The following NKAIN4 variants were observed in gnomAD, a reference collection of about 807,000 sequenced individuals.
NKAIN4 encodes sodium/potassium transporting ATPase interacting 4, also known as sodium/potassium-transporting ATPase subunit beta-1-interacting protein 4.
Under a neutral mutation model 28.8 loss-of-function variants are expected in NKAIN4, and 28 were observed. The observed-to-expected ratio is 0.97, with a 90% CI of 0.72 to 1.33. The LOEUF (loss-of-function observed/expected upper bound fraction) is 1.33. Ranked by LOEUF, NKAIN4 falls within the 40% of genes most tolerant of loss-of-function variation. The pLI, the probability that NKAIN4 is intolerant of heterozygous loss-of-function variation, is 0.00. For missense variants in NKAIN4, 289 were observed against 277.2 expected (o/e 1.04, Z -0.30); for synonymous variants, 122 against 115.6 (o/e 1.06, Z -0.36).
chr20:63,245,521 T>C lies in NKAIN4; in HGVS notation c.472-1437A>G, dbSNP rs114664806. Among the ~76,000 whole-genome samples, 4,483 of 151,928 alleles carry C rather than the reference T, an allele frequency of 0.03. 208 individuals carry two copies. The highest frequency in any genetic ancestry group is 0.1 in the African/African-American group (4,202 of 41,390). On this transcript the variant is annotated intron_variant, in intron 4 of 6. Coordinates refer to ENST00000370316, the MANE Select transcript of NKAIN4 (RefSeq NM_152864.4). This position sits in a 1 kb window ranked among gnomAD's most constrained non-coding sequence, Gnocchi z 4.7. ...CCTGCACACCACCGCCTCCTGCCCA[T>C]CCTCCTGGCTCCAGCCCCAGGTCCA...
intron 1 of NKAIN4, chr20:63,253,472 G>A (rs967624320): frequency 2.0e-6 from 2 of 985,548 alleles, no homozygotes; most frequent in Non-Finnish European, 2.4e-6. Context: ...CTCTGAAACA[G>A]CCCCTTCTGG....
rs78385787 is a variant in NKAIN4 at position 63,242,243 on chromosome 20, C to T, written c.617+296G>A. On this transcript the variant is annotated intron_variant, in intron 6 of 6. Coordinates refer to ENST00000370316, the MANE Select transcript of NKAIN4 (RefSeq NM_152864.4). ...GCTGGGAAGTGGCTCTTCAGGACAC[C>T]CTTGCGGCCCCCGACTCAGAGCCGA... Among the ~76,000 whole-genome samples the T allele has an allele frequency of 8.6e-3, 1,312 of 152,196 alleles. 20 individuals are homozygous for T. Among genetic ancestry groups the T allele is most frequent in the African/African-American group, 0.029 (1,184 of 41,496 alleles).
In NKAIN4 at chr20:63,243,353, T is replaced by C. The variant is rs376511931; in HGVS notation, c.532+671A>G. On this transcript the variant is annotated intron_variant, in intron 5 of 6. Coordinates refer to ENST00000370316, the MANE Select transcript of NKAIN4 (RefSeq NM_152864.4). ...CGTGGACTGCTGACCCCATGGCCCC[T>C]GGAGTCCTGGGGACAGATGGTTCTG... 9.5e-4 allele frequency among the ~76,000 whole-genome samples: 144 copies of C among 152,148 alleles called. 2 individuals are homozygous for C. In the South Asian group the frequency reaches 0.027, roughly 29 times the overall value.
chr20:63,246,427 G>A (rs1226712803), intron 4 of NKAIN4, among the ~76,000 whole-genome samples: 1 of 152,204 alleles, frequency 6.6e-6, no homozygotes, highest in Non-Finnish European at 1.5e-5. Flanking sequence ...GGGTGCGTCT[G>A]TGGCCCCTTG....
intron 1 of NKAIN4, chr20:63,254,033 A>G: frequency 4.1e-6 from 1 of 241,662 alleles, no homozygotes; most frequent in Non-Finnish European, 8.2e-6. Context: ...ACAGGCGCGC[A>G]CCCGGGGGCG....
chr20:63,248,657 C>G (rs766673619), intron 3 of NKAIN4, 158 bp downstream of exon 3: 4 of 613,064 alleles, frequency 6.5e-6, no homozygotes, highest in Non-Finnish European at 1.2e-5. Flanking sequence ...GAGTTACCAA[C>G]TACAGACCAG....
In NKAIN4 at chr20:63,252,791, G is replaced by A. The variant is rs924028684; in HGVS notation, c.54+1606C>T. Among the ~76,000 whole-genome samples the A allele has an allele frequency of 2.6e-5, 4 of 152,050 alleles. No individual in the cohort carries two copies. Among genetic ancestry groups the A allele is most frequent in the Non-Finnish European group, 4.4e-5 (3 of 68,014 alleles). ...CAAATTTCCAAGGGCCTGCATGTGCGCCCATCTGTCTACTGTCCACCGCAG... is the reference window on the plus strand; with the variant it reads ...CAAATTTCCAAGGGCCTGCATGTGCACCCATCTGTCTACTGTCCACCGCAG... On this transcript the variant is annotated intron_variant, in intron 1 of 6. Transcript: ENST00000370316. The surrounding 1 kb of genome is among the most constrained non-coding windows in gnomAD (Gnocchi z 4.6).
chr20:63,243,826 G>A, intron 5 of NKAIN4, 198 bp downstream of exon 5: 1 of 544,126 alleles, frequency 1.8e-6, no homozygotes, highest in South Asian at 2.5e-5. Flanking sequence ...GGAGCCCCCA[G>A]GCTAGGACCT....
chr20:63,248,583 G>T, intron 3 of NKAIN4: 1 of 496,968 alleles, frequency 2.0e-6, no homozygotes, highest in South Asian at 2.2e-5. Context: ...CCCCTCGCCT[G>T]CCAATACCCA....
chr20:63,254,861 C>A, upstream of NKAIN4: 1 of 167,378 alleles, frequency 6.0e-6, no homozygotes. Flanking sequence ...GGCGTGAGAT[C>A]CCCATCAACC....
chr20:63,253,384 G>T, intron 1 of NKAIN4: 1 of 985,342 alleles, frequency 1.0e-6, no homozygotes, highest in Non-Finnish European at 1.2e-6. Flanking sequence ...AGGTCCGCCC[G>T]CAAGCCTGTG....
Position 63,245,997 on chromosome 20 carries a change from T to G in NKAIN4, c.471+1581A>C, listed in dbSNP as rs565011950. 2.3e-3 allele frequency among the ~76,000 whole-genome samples: 348 copies of G among 151,744 alleles called. 4 individuals are homozygous for G. Among genetic ancestry groups the G allele is most frequent in the African/African-American group, 7.6e-3 (315 of 41,314 alleles). On this transcript the variant is annotated intron_variant, in intron 4 of 6. Transcript: ENST00000370316. This position sits in a 1 kb window ranked among gnomAD's most constrained non-coding sequence, Gnocchi z 4.7. ...GGCTGGAGTGCAGTGGCGTGATCTC[T>G]GCTCACTGCAAGCTCTGCCTCCCGG...
chr20:63,249,102 C>T, intron 2 of NKAIN4: 2 of 556,358 alleles, frequency 3.6e-6, no homozygotes, highest in Non-Finnish European at 6.5e-6. Context: ...CACGTGGGTG[C>T]CCCGGGAATG....
chr20:63,254,597 C>G (rs1042918289), upstream of NKAIN4: 2 of 543,538 alleles, frequency 3.7e-6, no homozygotes, highest in Non-Finnish European at 5.5e-6. Context: ...CCAGCCCCAG[C>G]CCCGGGTAAC....
intron 4 of NKAIN4, among the ~76,000 whole-genome samples, chr20:63,246,072 C>T (rs552413669): frequency 3.3e-5 from 5 of 152,208 alleles, no homozygotes; most frequent in South Asian, 2.1e-4. Context: ...GGACTACAGG[C>T]GCCCGCCACC....
intron 1 of NKAIN4, 95 bp downstream of exon 1, chr20:63,254,302 C>T: frequency 2.9e-6 from 3 of 1,021,560 alleles, no homozygotes; most frequent in Non-Finnish European, 3.9e-6. Flanking sequence ...ACCCAGCGAA[C>T]GGGCCCCGGG....
chr20:63,254,315 G>A (rs1421651036), intron 1 of NKAIN4, 82 bp downstream of exon 1: 2 of 1,149,578 alleles, frequency 1.7e-6, no homozygotes, highest in Non-Finnish European at 2.3e-6. Flanking sequence ...GCCCCGGGGC[G>A]GAGGGACGCT....
In NKAIN4 at chr20:63,247,594, A is replaced by G. The variant is rs1463191489; in HGVS notation, c.455T>C (p.Leu152Pro). The G allele has an allele frequency of 3.2e-6, 5 of 1,547,190 alleles. No homozygotes were observed. Among genetic ancestry groups the G allele is most frequent in the Non-Finnish European group, 4.4e-6 (5 of 1,145,084 alleles). The change falls in exon 4 of 7, where the codon CTG becomes CCG. Residue 152 changes from leucine to proline, a missense_variant. Coordinates refer to ENST00000370316, the MANE Select transcript of NKAIN4 (RefSeq NM_152864.4). ...CACGCTCACCGCGATCAGGATCTGC[A>G]GGCAACTGTGTAGGGCCTCCACATA... ...PSYVEALHSC[L>P]QILIALLGFV... is the part of the protein sequence containing the mutation.
upstream of NKAIN4, chr20:63,254,601 G>C: frequency 6.4e-6 from 3 of 470,782 alleles, no homozygotes; most frequent in South Asian, 1.0e-4. Context: ...CCCCAGCCCC[G>C]GGTAACAGCT....
Sources: allele counts gnomAD v4.1 joint callset (sites outside exome capture counted in the v4.1 genomes callset), GRCh38; gene constraint gnomAD v4.1.1; non-coding constraint Gnocchi (gnomAD v3.1); transcripts MANE v1.5; gene names NCBI Gene and HGNC (gene_info 2026-07-23, HGNC 2026-07-21).